The following HCRTR2 variants were observed in gnomAD, a reference collection of about 807,000 sequenced individuals.
HCRTR2 encodes the protein orexin receptor type 2.
Under a neutral mutation model 49.0 loss-of-function variants are expected in HCRTR2, and 22 were observed. The observed-to-expected ratio is 0.45, with a 90% CI of 0.32 to 0.64. The LOEUF (loss-of-function observed/expected upper bound fraction) is 0.64. Among genes scored for constraint, HCRTR2 ranks in the 30% least tolerant of loss-of-function variants. HCRTR2 has a pLI of 0.04. For missense variants in HCRTR2, 491 were observed against 559.4 expected, an observed-to-expected ratio of 0.88 and a Z score of 1.23; for synonymous variants, 236 against 205.3, an observed-to-expected ratio of 1.15 and a Z score of -1.28.
At chr6:55,257,333 A>C (rs1431829291) in intron 3 of HCRTR2, among the ~76,000 whole-genome samples, 2 of 152,118 alleles carry the variant, frequency 1.3e-5, no homozygotes, top group Admixed American at 1.3e-4. Flanking sequence ...TTTTTTCAAG[A>C]TTATGAAGCA....
rs139994466 is a variant in HCRTR2, at chr6:55,214,236, T to G, written c.224-34403T>G. Among the ~76,000 whole-genome samples the G allele has an allele frequency of 3.0e-3, 459 of 151,162 alleles. 5 individuals are homozygous for G. The highest frequency in any genetic ancestry group is 0.01 in the African/African-American group (432 of 41,530). On this transcript the variant is annotated intron_variant, in intron 1 of 6. Coordinates refer to ENST00000370862, the MANE Select transcript of HCRTR2 (RefSeq NM_001384272.1). The stretch of plus-strand genomic sequence containing the variant: ...ATAAGATGAATTTGCAAAAAAAGAA[T>G]AGAGGCCCCAGAATTTCTAGCTGGG...
At chr6:55,242,026 G>C (rs778645181) in intron 1 of HCRTR2, among the ~76,000 whole-genome samples, 36 of 151,574 alleles carry the variant, frequency 2.4e-4, no homozygotes, top group Non-Finnish European at 4.1e-4. Flanking sequence ...CCACCACCAA[G>C]CCCAGCTAAT....
chr6:55,273,974 A>G (rs966253101), intron 4 of HCRTR2, among the ~76,000 whole-genome samples: 4 of 149,282 alleles, frequency 2.7e-5, no homozygotes, highest in African/African-American at 4.8e-5. Flanking sequence ...TCTTGCAACC[A>G]AAGTTTAAAA....
At chr6:55,167,180 A>T (rs1764889084) in intron 1 of HCRTR2, among the ~76,000 whole-genome samples, 1 of 152,164 alleles carries the variant, frequency 6.6e-6, no homozygotes, top group South Asian at 2.1e-4. Context: ...ATTAGAAAAG[A>T]AAAAAATCTT....
rs1349422033 is a variant in HCRTR2, at chr6:55,174,630, T to A, written c.43T>A (p.Trp15Arg). The change falls in exon 1 of 7, where the codon TGG (tryptophan) becomes AGG (arginine). Residue 15 changes from tryptophan (W) to arginine (R), a missense_variant. By Grantham distance (101) the Trp-to-Arg change is moderately radical (BLOSUM62 -3). Transcript: ENST00000370862. ...KLEDSPPCRN[W>R]SSASELNETQ... The stretch of plus-strand genomic sequence containing the variant: ...GGAGGACTCCCCCCCTTGTCGCAAC[T>A]GGTCATCTGCTTCGGAGCTGAATGA... The A allele has an allele frequency of 6.2e-7, 1 of 1,613,986 alleles. No individual in the cohort carries two copies. Among genetic ancestry groups the A allele is most frequent in the East Asian group, 2.2e-5 (1 of 44,866 alleles).
chr6:55,210,511 T>C (rs989519377), intron 1 of HCRTR2, among the ~76,000 whole-genome samples: 2 of 152,136 alleles, frequency 1.3e-5, no homozygotes, highest in Admixed American at 6.6e-5. Flanking sequence ...AACTCATCTC[T>C]GCCATCACTT....
intron 1 of HCRTR2, among the ~76,000 whole-genome samples, chr6:55,151,958 CT>C: frequency 6.6e-6 from 1 of 152,034 alleles, no homozygotes; most frequent in East Asian, 1.9e-4. Context: ...TAAAAGGAAT[CT>C]TTTTTTCTAA....
intron 3 of HCRTR2, among the ~76,000 whole-genome samples, chr6:55,261,602 C>T (rs1025082210): frequency 6.6e-6 from 1 of 151,758 alleles, no homozygotes; most frequent in Admixed American, 6.6e-5. Flanking sequence ...ACAAGGATGG[C>T]CATAATCAAA....
intron 4 of HCRTR2, among the ~76,000 whole-genome samples, chr6:55,274,667 C>T (rs150878587): frequency 6.6e-6 from 1 of 152,020 alleles, no homozygotes; most frequent in African/African-American, 2.4e-5. Flanking sequence ...GAGTGGTAAG[C>T]CAACACTGCA....
At chr6:55,112,811 G>T (rs1179976400) in intron 1 of HCRTR2, among the ~76,000 whole-genome samples, 1 of 151,382 alleles carries the variant, frequency 6.6e-6, no homozygotes, top group Non-Finnish European at 1.5e-5. Context: ...ATGATACCAT[G>T]AAAGAGCCCA....
rs79345958 is a variant in HCRTR2, at chr6:55,166,221, T to C, written c.-377-7990T>C. ...TCTTTTTGATGTTTTTTGGATTCACTTTGCTGATATTTTGTTGAGGATTTC... is the reference window on the plus strand; with the variant it reads ...TCTTTTTGATGTTTTTTGGATTCACCTTGCTGATATTTTGTTGAGGATTTC... On this transcript the variant is annotated intron_variant, in intron 1 of 7. Coordinates refer to the HCRTR2 transcript ENST00000615358. Among the ~76,000 whole-genome samples the C allele has an allele frequency of 2.0e-5, 3 of 152,224 alleles. No homozygotes were observed. In the East Asian group the frequency reaches 5.8e-4, roughly 29 times the overall value.
At chr6:55,173,056 A>G (rs1764973891), upstream of HCRTR2, among the ~76,000 whole-genome samples, 1 of 152,198 alleles carries the variant, frequency 6.6e-6, no homozygotes, top group Non-Finnish European at 1.5e-5. Flanking sequence ...CTGTCATTTG[A>G]ACAACATTGA....
rs149460956 is a variant in HCRTR2, at chr6:55,125,438, G to A, written c.-378+18893G>A. On this transcript the variant is annotated intron_variant, in intron 1 of 7. Transcript: ENST00000615358. Reference sequence around the variant, plus strand: ...TTTTCTTTAAGGATGTTGAATATTGGCCTCCACTGTCTTCTGGCTTGTAGG... The same window carrying A: ...TTTTCTTTAAGGATGTTGAATATTGACCTCCACTGTCTTCTGGCTTGTAGG... Among the ~76,000 whole-genome samples the A allele has an allele frequency of 3.3e-3, 510 of 152,294 alleles. 7 individuals carry two copies. The highest frequency in any genetic ancestry group is 0.012 in the African/African-American group (484 of 41,572).
intron 1 of HCRTR2, among the ~76,000 whole-genome samples, chr6:55,142,548 C>A (rs1474691704): frequency 6.6e-6 from 1 of 151,826 alleles, no homozygotes; most frequent in South Asian, 2.1e-4. Context: ...ATATTTAATG[C>A]ACATTAATGG....
intron 1 of HCRTR2, among the ~76,000 whole-genome samples, chr6:55,144,261 C>A (rs1013301008): frequency 3.3e-5 from 5 of 151,904 alleles, no homozygotes; most frequent in Admixed American, 6.6e-5. Flanking sequence ...TACAGGCATG[C>A]GCCACCACGT....
chr6:55,219,925 T>G (rs1194733660), intron 1 of HCRTR2, among the ~76,000 whole-genome samples: 1 of 152,012 alleles, frequency 6.6e-6, no homozygotes. Context: ...AATTATACAC[T>G]AACAAATTGG....
At chr6:55,260,200 C>T (rs1359659921) in intron 3 of HCRTR2, among the ~76,000 whole-genome samples, 1 of 152,170 alleles carries the variant, frequency 6.6e-6, no homozygotes, top group Non-Finnish European at 1.5e-5. Flanking sequence ...ATCTACTTTC[C>T]TCTATCCACT....
chr6:55,222,304 T>TA (rs199660411), intron 1 of HCRTR2, among the ~76,000 whole-genome samples: 23,734 of 140,958 alleles, frequency 0.17, 3,539 homozygotes, highest in African/African-American at 0.41. Flanking sequence ...GAAAGAGAAT[T>TA]AAAAAAAAAA....
At chr6:55,116,540 G>C (rs951196938) in intron 1 of HCRTR2, among the ~76,000 whole-genome samples, 6 of 151,246 alleles carry the variant, frequency 4.0e-5, no homozygotes, top group Non-Finnish European at 8.9e-5. Context: ...GAAGCAAGGA[G>C]AGAAAAGAAT....
Sources: gnomAD v4.1 joint callset for allele counts (sites outside exome capture counted in the v4.1 genomes callset) on GRCh38, gnomAD v4.1.1 for gene constraint, MANE v1.5 for transcripts, NCBI Gene and HGNC (gene_info 2026-07-23, HGNC 2026-07-21) for gene names.